Variants in USP34 observed in about 807,000 individuals in gnomAD.
The protein encoded by USP34 is ubiquitin carboxyl-terminal hydrolase 34.
Under a neutral mutation model 460.3 loss-of-function variants are expected in USP34, and 70 were observed. That is an observed-to-expected ratio of 0.15 (90% CI 0.13 to 0.19). The LOEUF (loss-of-function observed/expected upper bound fraction) is 0.19. USP34 is among the 10% of genes least tolerant of loss of function. USP34 has a pLI of 1.00. For synonymous variants in USP34, 1,647 were observed against 1,405.3 expected (o/e 1.17, Z -3.85); for missense variants, 3,985 against 4,236.2 (o/e 0.94, Z 1.65).
chr2:61,414,601 C>T (rs1694141766), intron 2 of USP34, among the ~76,000 whole-genome samples: 1 of 152,178 alleles, frequency 6.6e-6, no homozygotes, highest in Admixed American at 6.5e-5. Context: ...TGGAGGCGCC[C>T]AGGTTCTTGG....
intron 22 of USP34, 109 bp downstream of exon 22, chr2:61,319,064 G>T: frequency 2.8e-6 from 3 of 1,063,124 alleles, no homozygotes; most frequent in Non-Finnish European, 3.9e-6. Flanking sequence ...ATTACATTTG[G>T]CTACTTAAAA....
intron 1 of USP34, among the ~76,000 whole-genome samples, chr2:61,444,806 C>T (rs1426704326): frequency 6.6e-6 from 1 of 151,828 alleles, no homozygotes; most frequent in Non-Finnish European, 1.5e-5. Context: ...GTGTCCACCG[C>T]ACGTGGAGAC....
rs560926011 is a variant in USP34, at chr2:61,398,470, G to A, written c.553-3237C>T. 5.9e-4 allele frequency among the ~76,000 whole-genome samples: 83 copies of A among 141,452 alleles called. 1 individual carries two copies. The East Asian group carries it at 0.016, about 28-fold the overall frequency. The allele number at this position is 141,452 out of a possible 152,430, so 92.8% of individuals were successfully genotyped here. On this transcript the variant is annotated intron_variant, in intron 3 of 79. Transcript: ENST00000398571. ...AAAGTGGGGGAAGGACGGAGAAGCG[G>A]GGGAAGGAGGCGGAAGCGGGGGAAG...
At chr2:61,348,997 T>C in intron 13 of USP34, 111 bp from the exon 14 acceptor site, 3 of 1,240,254 alleles carry the variant, frequency 2.4e-6, no homozygotes, top group Non-Finnish European at 3.3e-6. Context: ...TTATGCTAAG[T>C]AGCCAAAAAT....
intron 15 of USP34, among the ~76,000 whole-genome samples, chr2:61,347,242 T>G (rs1417761733): frequency 6.6e-6 from 1 of 152,208 alleles, no homozygotes; most frequent in Non-Finnish European, 1.5e-5. Flanking sequence ...AAATATGCAC[T>G]AAATATTGAA....
At chr2:61,254,900 T>C (rs1048064429) in intron 48 of USP34, among the ~76,000 whole-genome samples, 1 of 152,140 alleles carries the variant, frequency 6.6e-6, no homozygotes, top group Non-Finnish European at 1.5e-5. Flanking sequence ...GAGGCTGGAG[T>C]GCAATGGCAC....
chr2:61,394,710 C>T lies in USP34; in HGVS notation c.753+143G>A, dbSNP rs775450880. 10 of 528,894 alleles carry T rather than the reference C, an allele frequency of 1.9e-5. No homozygotes were observed. The East Asian group carries it at 2.4e-4, about 13-fold the overall frequency. 32.8% of individuals were successfully genotyped at this position (528,894 alleles called of 1,614,324 possible). On this transcript the variant is annotated intron_variant, in intron 5 of 79. Coordinates refer to ENST00000398571, the MANE Select transcript of USP34 (RefSeq NM_014709.4). The stretch of plus-strand genomic sequence containing the variant: ...ATCTTAATAATAAAGATCGTTAAAA[C>T]GTTTCTGTACTCATTTTGTCAAAAT...
intron 75 of USP34, among the ~76,000 whole-genome samples, chr2:61,196,069 A>T (rs1227539758): frequency 1.6e-3 from 65 of 41,542 alleles, no homozygotes; most frequent in Non-Finnish European, 1.7e-3. Flanking sequence ...ACCATGCACG[A>T]TTTTTTTTTT....
chr2:61,220,151 TAAAAAAAAAAAAAAA>T (rs60784334), intron 67 of USP34, 144 bp downstream of exon 67: 297 of 169,138 alleles, frequency 1.8e-3, no homozygotes, highest in Middle Eastern at 7.3e-3. Flanking sequence ...TTTCCTATCC[TAAAAAAAAAAAAAAA>T]AAAAAAAAAA....
intron 27 of USP34, among the ~76,000 whole-genome samples, chr2:61,309,352 T>C (rs531111631): frequency 2.0e-5 from 3 of 152,238 alleles, no homozygotes; most frequent in South Asian, 2.1e-4. Context: ...GAGAAAGGTA[T>C]GGATCATGGA....
intron 5 of USP34, among the ~76,000 whole-genome samples, chr2:61,388,455 TTAAA>T (rs1693236357): frequency 8.6e-6 from 1 of 116,236 alleles, no homozygotes; most frequent in African/African-American, 3.2e-5. Flanking sequence ...ACAGGGGAGT[TTAAA>T]AAAAAAAAAA....
intron 1 of USP34, among the ~76,000 whole-genome samples, chr2:61,468,721 C>T (rs920400503): frequency 1.3e-5 from 2 of 152,140 alleles, no homozygotes; most frequent in African/African-American, 4.8e-5. Flanking sequence ...AAGCTAAATT[C>T]TATTTCAATT....
rs368797836 is a variant in USP34 at position 61,204,615 on chromosome 2, C to T, written c.9155-14G>A. On this transcript the variant is annotated splice_polypyrimidine_tract_variant and intron_variant, in intron 72 of 79. Coordinates refer to ENST00000398571, the MANE Select transcript of USP34 (RefSeq NM_014709.4). ...CCTTGAGGACATCTGAAAATAAAAA[C>T]AAAGTTTGGGTAGCAAAAAATTAAG... 34 of 1,607,382 alleles carry T rather than the reference C, an allele frequency of 2.1e-5. No individual in the cohort carries two copies. The highest frequency in any genetic ancestry group is 2.9e-5 in the Non-Finnish European group (34 of 1,176,328).
At chr2:61,378,236 A>T (rs910578297) in intron 8 of USP34, 127 bp downstream of exon 8, 4 of 646,492 alleles carry the variant, frequency 6.2e-6, no homozygotes, top group Non-Finnish European at 2.7e-6. Context: ...TTCATGAAGA[A>T]CTGTACACAA....
chr2:61,206,648 C>A, intron 71 of USP34, 112 bp downstream of exon 71: 6 of 1,333,960 alleles, frequency 4.5e-6, no homozygotes, highest in Non-Finnish European at 6.0e-6. Context: ...TCAGCCTCAT[C>A]TTCTGTGCAT....
rs1196881251 is a variant in USP34, at chr2:61,213,948, A to C, written c.8682+112T>G. ...GAAAACAAATACACATTAAGTTCTT[A>C]AGAAAGAATGGTGAGACTATTCTAT... On this transcript the variant is annotated intron_variant, in intron 68 of 79. Transcript: ENST00000398571. 7.7e-6 allele frequency: 10 copies of C among 1,291,616 alleles called. No homozygotes were observed. In the East Asian group the frequency reaches 2.4e-4, roughly 32 times the overall value. 80.0% of individuals were successfully genotyped at this position (1,291,616 alleles called of 1,614,324 possible). A position where few individuals can be genotyped will look rare whatever the true frequency, so the allele number is the denominator to read the frequency against.
intron 41 of USP34, among the ~76,000 whole-genome samples, chr2:61,269,227 C>A (rs1264483546): frequency 1.3e-5 from 2 of 152,034 alleles, no homozygotes; most frequent in African/African-American, 4.8e-5. Flanking sequence ...GTGGTGGGAT[C>A]ATGGCTCACT....
Position 61,294,965 on chromosome 2 carries a change from T to C in USP34, c.4445A>G (p.Asn1482Ser). 6.2e-7 allele frequency: 1 copy of C among 1,612,310 alleles called. No individual in the cohort carries two copies. Among genetic ancestry groups the C allele is most frequent in the Non-Finnish European group, 8.5e-7 (1 of 1,179,202 alleles). ...TGATCAAACCTTGCAACTCCAGGAA[T>C]TTTTACTATTTTCCACTTGATCTTC... ...SSEDQVENSKNSWSCKFVAAG... is the reference protein window; with the variant it reads ...SSEDQVENSKSSWSCKFVAAG... Residue 1482 changes from asparagine (N) to serine (S), a missense_variant, in exon 32 of 80, where the codon AAT (asparagine) becomes AGT (serine). Physicochemically the swap from Asn to Ser is conservative, Grantham distance 46. This residue lies in a region of USP34 where 1,114 missense variants were observed against 1,122.5 expected (regional missense o/e 0.99). Transcript: ENST00000398571.
intron 1 of USP34, among the ~76,000 whole-genome samples, chr2:61,452,780 G>T (rs1463278667): frequency 1.3e-5 from 2 of 151,618 alleles, no homozygotes; most frequent in African/African-American, 4.8e-5. Context: ...CTGCAGTCAG[G>T]AGGCTGACAT....
Sources: gnomAD v4.1 joint callset for allele counts (sites outside exome capture counted in the v4.1 genomes callset) on GRCh38, gnomAD v4.1.1 for gene constraint, gnomAD v4.1.1 regional missense constraint, MANE v1.5 for transcripts, NCBI Gene and HGNC (gene_info 2026-07-23, HGNC 2026-07-21) for gene names.